IWS1: variants seen among roughly 807,000 people sequenced by gnomAD.
IWS1 encodes the protein interacts with SUPT6H, CTD assembly factor 1, also known as protein IWS1 homolog.
In IWS1, 27 loss-of-function variants were observed where a neutral mutation model predicts 86.7. The observed-to-expected ratio is 0.31, with a 90% CI of 0.23 to 0.43. The LOEUF (loss-of-function observed/expected upper bound fraction) is 0.43. Among genes scored for constraint, IWS1 ranks in the 20% least tolerant of loss-of-function variants. The pLI, the probability that IWS1 is intolerant of heterozygous loss-of-function variation, is 1.00. For synonymous variants in IWS1, 313 were observed against 335.1 expected (o/e 0.93, Z 0.72); for missense variants, 827 against 1,000.8 (o/e 0.83, Z 2.34).
At chr2:127,508,174 G>C (rs1316980549) in intron 2 of IWS1, among the ~76,000 whole-genome samples, 2 of 152,142 alleles carry the variant, frequency 1.3e-5, no homozygotes, top group African/African-American at 2.4e-5. Flanking sequence ...TGTCTACTAC[G>C]TGCAAGACAC....
chr2:127,481,145 G>T lies in IWS1; in HGVS notation c.2359C>A (p.Arg787=). Reference sequence around the variant, plus strand: ...AACTTTCTCATCTGTTTATCCAGTCGACTGATACCCTTCTTGGAGGTCGCC... The same window carrying T: ...AACTTTCTCATCTGTTTATCCAGTCTACTGATACCCTTCTTGGAGGTCGCC... The part of the protein sequence containing the change: ...FQATSKKGIS[R]LDKQMRKFTD... The change falls in exon 14 of 14, where the codon CGA becomes AGA. Residue 787 remains arginine (R), a synonymous_variant. Transcript: ENST00000295321. The T allele has an allele frequency of 6.2e-7, 1 of 1,609,356 alleles. No homozygotes were observed. The highest frequency in any genetic ancestry group is 1.1e-5 in the South Asian group (1 of 90,252).
intron 2 of IWS1, among the ~76,000 whole-genome samples, chr2:127,515,362 T>C (rs1691714232): frequency 6.6e-6 from 1 of 152,144 alleles, no homozygotes. Context: ...GCTAAAAATC[T>C]CTTGTTCAGG....
chr2:127,524,956 T>A, intron 1 of IWS1, among the ~76,000 whole-genome samples: 1 of 151,802 alleles, frequency 6.6e-6, no homozygotes. Flanking sequence ...TGGTGCAACT[T>A]CCGCTCACTG....
intron 13 of IWS1, 166 bp downstream of exon 13, chr2:127,486,387 C>A: frequency 1.8e-6 from 1 of 548,704 alleles, no homozygotes; most frequent in Non-Finnish European, 3.3e-6. Context: ...AATACTTTTC[C>A]TTTCTCTATT....
chr2:127,495,944 C>T (rs960344183), intron 7 of IWS1, 54 bp downstream of exon 7: 1 of 1,484,076 alleles, frequency 6.7e-7, no homozygotes, highest in Admixed American at 2.4e-5. Context: ...AAAAGGGCAT[C>T]CAATAAACTC....
At position 127,499,754 on chromosome 2, in the gene IWS1, T is replaced by TA. The variant is rs1690705404; in HGVS notation, c.1468-1518_1468-1517insT. 6.6e-6 allele frequency among the ~76,000 whole-genome samples: 1 copy of TA among 152,228 alleles called. No individual in the cohort carries two copies. Among genetic ancestry groups the TA allele is most frequent in the African/African-American group, 2.4e-5 (1 of 41,458 alleles). ...ATTGGTTAAAAATAAGTATTGTTTT[T>TA]TTTTTGACCCAAGAACTATTTAAGC... On this transcript the variant is annotated intron_variant, in intron 5 of 13. Coordinates refer to ENST00000295321, the MANE Select transcript of IWS1 (RefSeq NM_017969.3). This position sits in a 1 kb window ranked among gnomAD's most constrained non-coding sequence, Gnocchi z 4.0.
rs1455303502 is a variant in IWS1, at chr2:127,499,113, C to T, written c.1468-876G>A. ...TCTTTTTCTTTTTTTTTTTTTGAGA[C>T]GGAGTCTCACTGTGTCGCCCAGGCC... On this transcript the variant is annotated intron_variant, in intron 5 of 13. Coordinates refer to ENST00000295321, the MANE Select transcript of IWS1 (RefSeq NM_017969.3). The surrounding 1 kb of genome is among the most constrained non-coding windows in gnomAD (Gnocchi z 4.0). 7.3e-5 allele frequency among the ~76,000 whole-genome samples: 10 copies of T among 136,778 alleles called. No individual in the cohort carries two copies. The South Asian group carries it at 1.3e-3, about 18-fold the overall frequency. The allele number at this position is 136,778 out of a possible 152,430, so 89.7% of individuals were successfully genotyped here.
intron 13 of IWS1, 129 bp downstream of exon 13, chr2:127,486,424 G>A: frequency 3.1e-6 from 2 of 651,732 alleles, no homozygotes; most frequent in South Asian, 1.8e-5. Flanking sequence ...GGCTAGATAA[G>A]CGACCAGAAA....
intron 6 of IWS1, among the ~76,000 whole-genome samples, chr2:127,496,712 C>T (rs568587703): frequency 6.6e-6 from 1 of 152,050 alleles, no homozygotes; most frequent in African/African-American, 2.4e-5. Context: ...GTTGAGACTA[C>T]AGGCCCACAC....
chr2:127,515,008 G>T (rs1320695752), intron 2 of IWS1: 1 of 152,216 alleles, frequency 6.6e-6, no homozygotes, highest in African/African-American at 2.4e-5. Flanking sequence ...CAAGTAACAT[G>T]TTCAATTCTC....
intron 3 of IWS1, among the ~76,000 whole-genome samples, chr2:127,504,472 G>T (rs1691004013): frequency 6.6e-6 from 1 of 151,980 alleles, no homozygotes; most frequent in South Asian, 2.1e-4. Flanking sequence ...GAGGCAGTCA[G>T]AGATTAATAT....
chr2:127,512,882 A>G (rs1408379951), intron 2 of IWS1, among the ~76,000 whole-genome samples: 2 of 152,284 alleles, frequency 1.3e-5, no homozygotes, highest in East Asian at 3.8e-4. Context: ...ATAATAAATT[A>G]TCACACATTA....
At position 127,505,214 on chromosome 2, in the gene IWS1, G is replaced by A. The variant is rs1691064941; in HGVS notation, c.689C>T (p.Pro230Leu). ...TTCAGAGTCACTGGCCTGGTGCCTT[G>A]GGGGTTCCTCACTTTCTGAATCACT... ...QVSDSESEEP[P>L]RHQASDSENE... Residue 230 changes from proline (P) to leucine (L), a missense_variant, in exon 3 of 14, where the codon CCA becomes CTA. By Grantham distance (98) the Pro-to-Leu change is moderately conservative. Transcript: ENST00000295321. This position sits in a 1 kb window ranked among gnomAD's most constrained non-coding sequence, Gnocchi z 5.0. The A allele has an allele frequency of 6.2e-7, 1 of 1,613,908 alleles. No individual in the cohort carries two copies.
chr2:127,485,022 A>G (rs974553566), intron 13 of IWS1, among the ~76,000 whole-genome samples: 1 of 151,806 alleles, frequency 6.6e-6, no homozygotes, highest in African/African-American at 2.4e-5. Flanking sequence ...AAGAAAAAGA[A>G]AAAGGACAGA....
chr2:127,497,711 T>A (rs1277407704), intron 6 of IWS1, among the ~76,000 whole-genome samples: 3 of 152,234 alleles, frequency 2.0e-5, no homozygotes, highest in African/African-American at 7.2e-5. Context: ...GTATGACATC[T>A]TTTAAGATAT....
chr2:127,509,109 A>C (rs1308724504), intron 2 of IWS1, among the ~76,000 whole-genome samples: 1 of 152,242 alleles, frequency 6.6e-6, no homozygotes, highest in Non-Finnish European at 1.5e-5. Flanking sequence ...GTACTAGTTT[A>C]ATAGACTCGA....
intron 2 of IWS1, among the ~76,000 whole-genome samples, chr2:127,510,856 TTCAGTATGC>T (rs1181235731): frequency 6.6e-6 from 1 of 152,200 alleles, no homozygotes; most frequent in Non-Finnish European, 1.5e-5. Flanking sequence ...GTTCCCAAAC[TTCAGTATGC>T]TTAAGAATCA....
At chr2:127,492,301 T>A (rs528851365) in intron 9 of IWS1, among the ~76,000 whole-genome samples, 1 of 152,106 alleles carries the variant, frequency 6.6e-6, no homozygotes, top group Admixed American at 6.5e-5. Context: ...TCCCAGCACT[T>A]TGGGAGGCTG....
At chr2:127,524,046 A>C (rs947791408) in intron 1 of IWS1, among the ~76,000 whole-genome samples, 2 of 152,198 alleles carry the variant, frequency 1.3e-5, no homozygotes, top group Non-Finnish European at 2.9e-5. Flanking sequence ...AACACTAAAC[A>C]CCAAGTCAAC....
Sources: allele counts gnomAD v4.1 joint callset (sites outside exome capture counted in the v4.1 genomes callset), GRCh38; gene constraint gnomAD v4.1.1; non-coding constraint Gnocchi (gnomAD v3.1); transcripts MANE v1.5; gene names NCBI Gene and HGNC (gene_info 2026-07-23, HGNC 2026-07-21).